NAALADL2: variants seen among roughly 807,000 people sequenced by gnomAD.
NAALADL2 encodes the protein N-acetylated alpha-linked acidic dipeptidase like 2.
A neutral mutation model predicts 87.2 loss-of-function variants in NAALADL2; 76 were observed. The ratio of observed to expected loss-of-function variants is 0.87; its 90% CI spans 0.72 to 1.05. The LOEUF (loss-of-function observed/expected upper bound fraction) is 1.05, where lower values mean the gene tolerates loss of function less well. Among genes scored for constraint, NAALADL2 ranks in the 50% least tolerant of loss-of-function variants. NAALADL2 has a pLI of 0.00. For missense variants in NAALADL2, 1,089 were observed against 945.8 expected (o/e 1.15, Z -1.99); for synonymous variants, 354 against 331.0 (o/e 1.07, Z -0.75).
At chr3:175,252,468 C>A (rs1203981079) in intron 3 of NAALADL2, among the ~76,000 whole-genome samples, 3 of 152,148 alleles carry the variant, frequency 2.0e-5, no homozygotes, top group Non-Finnish European at 4.4e-5. Flanking sequence ...TACCCACCAG[C>A]CATTTGCCAT....
At chr3:175,161,984 G>A (rs1242598317) in intron 2 of NAALADL2, among the ~76,000 whole-genome samples, 1 of 151,962 alleles carries the variant, frequency 6.6e-6, no homozygotes, top group Admixed American at 6.6e-5. Context: ...CTTTCTTTCG[G>A]AAACCTGTCT....
intron 9 of NAALADL2, among the ~76,000 whole-genome samples, chr3:175,559,318 T>TTTGTTGTTG (rs367634123): frequency 6.6e-6 from 1 of 151,966 alleles, no homozygotes; most frequent in Admixed American, 6.6e-5. Context: ...GTTTTTAAAG[T>TTTGTTGTTG]TTGTTGTTGT....
intron 13 of NAALADL2, among the ~76,000 whole-genome samples, chr3:175,769,635 G>A (rs941824795): frequency 7.2e-5 from 11 of 152,192 alleles, no homozygotes; most frequent in African/African-American, 2.4e-4. Context: ...TAGAAATGAT[G>A]TGGTCTTTTA....
At chr3:175,758,091 A>G (rs1747499876) in intron 13 of NAALADL2, among the ~76,000 whole-genome samples, 1 of 152,010 alleles carries the variant, frequency 6.6e-6, no homozygotes, top group African/African-American at 2.4e-5. Context: ...ATATTTATGA[A>G]CTCAATTTAC....
intron 13 of NAALADL2, among the ~76,000 whole-genome samples, chr3:175,780,789 A>G (rs185874530): frequency 6.6e-6 from 1 of 152,230 alleles, no homozygotes; most frequent in African/African-American, 2.4e-5. Flanking sequence ...AAACTGTAAC[A>G]TGTCAAGATT....
intron 1 of NAALADL2, among the ~76,000 whole-genome samples, chr3:174,939,499 G>C (rs188182753): frequency 6.6e-6 from 1 of 151,886 alleles, no homozygotes; most frequent in Non-Finnish European, 1.5e-5. Flanking sequence ...CTATATTTTG[G>C]TTCCATATGA....
chr3:174,497,414 A>T (rs1350008752), intron 1 of NAALADL2, among the ~76,000 whole-genome samples: 1 of 152,074 alleles, frequency 6.6e-6, no homozygotes, highest in East Asian at 1.9e-4. Context: ...TCCTGGCTTG[A>T]ACCCAGGAGT....
intron 1 of NAALADL2, among the ~76,000 whole-genome samples, chr3:174,871,368 A>T (rs1380354054): frequency 1.3e-5 from 2 of 152,198 alleles, no homozygotes; most frequent in Non-Finnish European, 2.9e-5. Context: ...TTCTTGTTAC[A>T]CATTTTAATT....
At position 175,718,352 on chromosome 3, in the gene NAALADL2, T is replaced by C. The variant is rs112179835; in HGVS notation, c.1897-18954T>C. 2.7e-5 allele frequency: 43 copies of C among 1,603,004 alleles called. No individual in the cohort carries two copies. The African/African-American group carries it at 3.3e-4, about 12-fold the overall frequency. On this transcript the variant is annotated intron_variant, in intron 11 of 13. Transcript: ENST00000454872. The stretch of plus-strand genomic sequence containing the variant: ...ATGAATTCTGCCATTTTGCTAGCAC[T>C]GATATGCTCTTGGGTCCACCACTCC...
At chr3:175,246,551 A>G (rs564491789) in intron 3 of NAALADL2, among the ~76,000 whole-genome samples, 63 of 152,316 alleles carry the variant, frequency 4.1e-4, no homozygotes, top group African/African-American at 1.5e-3. Flanking sequence ...GAGAAGAAAC[A>G]TGGCACTGGA....
intron 1 of NAALADL2, among the ~76,000 whole-genome samples, chr3:174,508,114 G>GTTT (rs1311325384): frequency 4.8e-5 from 5 of 103,884 alleles, no homozygotes; most frequent in Admixed American, 4.3e-4. Context: ...ATATCTAGTG[G>GTTT]TTTTTTTTTT....
chr3:175,063,081 G>A (rs1400182580), intron 1 of NAALADL2, among the ~76,000 whole-genome samples: 2 of 151,980 alleles, frequency 1.3e-5, no homozygotes, highest in Non-Finnish European at 2.9e-5. Flanking sequence ...TTTTGTTGGT[G>A]AAAACAATGT....
intron 4 of NAALADL2, among the ~76,000 whole-genome samples, chr3:175,270,626 T>C (rs551756847): frequency 3.3e-5 from 5 of 152,292 alleles, no homozygotes; most frequent in East Asian, 3.9e-4. Context: ...TTAAATCTTA[T>C]CTTGAATGAG....
chr3:175,354,393 C>T (rs1019335272), intron 5 of NAALADL2, among the ~76,000 whole-genome samples: 1 of 152,106 alleles, frequency 6.6e-6, no homozygotes, highest in South Asian at 2.1e-4. Flanking sequence ...CAACTGATAG[C>T]ATGAAGATAA....
At chr3:175,120,453 A>C (rs1017639593) in intron 2 of NAALADL2, among the ~76,000 whole-genome samples, 6 of 151,804 alleles carry the variant, frequency 4.0e-5, no homozygotes, top group African/African-American at 1.2e-4. Flanking sequence ...CCAAGAACTT[A>C]ATCTCATAAA....
intron 1 of NAALADL2, among the ~76,000 whole-genome samples, chr3:174,899,102 A>C (rs1560339984): frequency 6.6e-6 from 1 of 152,182 alleles, no homozygotes; most frequent in Non-Finnish European, 1.5e-5. Context: ...AAAAGATGCA[A>C]ACTAGAACCT....
chr3:174,835,051 C>T (rs187907531), intron 3 of NAALADL2, among the ~76,000 whole-genome samples: 2 of 151,730 alleles, frequency 1.3e-5, no homozygotes, highest in Non-Finnish European at 2.9e-5. Context: ...TTAATACATA[C>T]TATAGAATTA....
intron 9 of NAALADL2, among the ~76,000 whole-genome samples, chr3:175,545,645 T>TA (rs1353800308): frequency 1.3e-5 from 2 of 152,166 alleles, no homozygotes; most frequent in Non-Finnish European, 2.9e-5. Flanking sequence ...TCATGCTGTT[T>TA]AGATGCTAAC....
At chr3:175,266,723 A>G (rs965920017) in intron 4 of NAALADL2, among the ~76,000 whole-genome samples, 1 of 151,820 alleles carries the variant, frequency 6.6e-6, no homozygotes, top group African/African-American at 2.4e-5. Context: ...AAATTCAGAA[A>G]TAACTCTTAT....
Sources: allele counts gnomAD v4.1 joint callset (sites outside exome capture counted in the v4.1 genomes callset), GRCh38; gene constraint gnomAD v4.1.1; transcripts MANE v1.5; gene names NCBI Gene and HGNC (gene_info 2026-07-23, HGNC 2026-07-21).